SYT13: variants seen among roughly 807,000 people sequenced by gnomAD.
SYT13 encodes synaptotagmin-13.
SYT13 carries 21 observed loss-of-function variants against 38.6 expected under a neutral mutation model. The observed-to-expected ratio is 0.54, with a 90% CI of 0.39 to 0.78. SYT13 has a LOEUF of 0.78. Ranked by LOEUF, SYT13 falls within the 30% of genes least tolerant of loss-of-function variation. SYT13 has a pLI of 0.00. For synonymous variants in SYT13, 241 were observed against 237.6 expected (o/e 1.01, Z -0.13); for missense variants, 495 against 548.7 (o/e 0.90, Z 0.98).
At chr11:45,249,496 C>A (rs1004186765) in intron 4 of SYT13, among the ~76,000 whole-genome samples, 11 of 152,196 alleles carry the variant, frequency 7.2e-5, no homozygotes, top group African/African-American at 2.2e-4. Flanking sequence ...TTGGAACCAA[C>A]CCAAATGTCC....
chr11:45,250,167 C>T (rs1854655843), intron 4 of SYT13, among the ~76,000 whole-genome samples: 1 of 152,220 alleles, frequency 6.6e-6, no homozygotes, highest in African/African-American at 2.4e-5. Flanking sequence ...CAGAAAGTCA[C>T]CTCCTACTTC....
intron 1 of SYT13, among the ~76,000 whole-genome samples, chr11:45,274,993 C>T (rs570036656): frequency 6.6e-6 from 1 of 152,286 alleles, no homozygotes; most frequent in East Asian, 1.9e-4. Context: ...TTGCCACATG[C>T]TTCCTGCTGG....
At position 45,254,263 on chromosome 11, in the gene SYT13, G is replaced by A. The variant is rs768608420; in HGVS notation, c.544+7C>T. ...AGAAGCCCACGAGAGTCAAATAAGA[G>A]CCATACCTTCCAGGCGAGTCACAAA... On this transcript the variant is annotated splice_region_variant and intron_variant, in intron 3 of 5. Transcript: ENST00000020926. 8 of 1,607,324 alleles carry A rather than the reference G, an allele frequency of 5.0e-6. No homozygotes were observed. The highest frequency in any genetic ancestry group is 3.4e-5 in the Admixed American group (2 of 59,222).
At chr11:45,281,819 C>G (rs187992732) in intron 1 of SYT13, among the ~76,000 whole-genome samples, 248 of 152,300 alleles carry the variant, frequency 1.6e-3, no homozygotes, top group African/African-American at 5.7e-3. Flanking sequence ...AAGTGCACAG[C>G]AAGGTAAACA....
intron 1 of SYT13, among the ~76,000 whole-genome samples, chr11:45,283,199 AC>A (rs759990556): frequency 3.9e-5 from 6 of 152,182 alleles, no homozygotes; most frequent in Non-Finnish European, 5.9e-5. Flanking sequence ...CAAAATCACT[AC>A]AAACTTCAAC....
chr11:45,255,836 G>A lies in SYT13; in HGVS notation c.239C>T (p.Pro80Leu), dbSNP rs780430161. 1.9e-6 allele frequency: 3 copies of A among 1,614,192 alleles called. No homozygotes were observed. The highest frequency in any genetic ancestry group is 3.3e-5 in the Admixed American group (2 of 60,024). ...AGCTGGCCTGGGTCCATAGATGTCT[G>A]GGAACTTGAGGAGGGCACGGGGCTG... is the stretch of plus-strand genomic sequence containing the variant. ...PVQPRALLKF[P>L]DIYGPRPAVT... Residue 80 changes from proline (P) to leucine (L), a missense_variant, in exon 2 of 6, where the codon CCA (proline) becomes CTA (leucine). Transcript: ENST00000020926.
chr11:45,278,457 G>A (rs971404165), intron 1 of SYT13, among the ~76,000 whole-genome samples: 1 of 151,958 alleles, frequency 6.6e-6, no homozygotes, highest in Non-Finnish European at 1.5e-5. Flanking sequence ...CTCTCCTGCT[G>A]GTCTCTTCTC....
Position 45,255,900 on chromosome 11 carries a change from A to T in SYT13, c.184-9T>A. On this transcript the variant is annotated splice_polypyrimidine_tract_variant and intron_variant, in intron 1 of 5. Transcript: ENST00000020926. ...GACTTTTTAACATTGAACTGCAAACACAAATTACTCTGATTAGTCCACAAA... is the reference window on the plus strand; with the variant it reads ...GACTTTTTAACATTGAACTGCAAACTCAAATTACTCTGATTAGTCCACAAA... 1 of 1,613,814 alleles carries T rather than the reference A, an allele frequency of 6.2e-7. No individual in the cohort carries two copies. The highest frequency in any genetic ancestry group is 8.5e-7 in the Non-Finnish European group (1 of 1,179,814).
At chr11:45,247,242 G>C (rs1854624579) in intron 4 of SYT13, among the ~76,000 whole-genome samples, 2 of 152,158 alleles carry the variant, frequency 1.3e-5, no homozygotes, top group Non-Finnish European at 2.9e-5. Flanking sequence ...ATGACCGAAA[G>C]ACCCCTCCTA....
chr11:45,274,574 T>A (rs547417656), intron 1 of SYT13, among the ~76,000 whole-genome samples: 1 of 152,244 alleles, frequency 6.6e-6, no homozygotes, highest in South Asian at 2.1e-4. Flanking sequence ...CTCCGCGATA[T>A]GCTCTGAGAA....
At chr11:45,283,467 T>C (rs180989079) in intron 1 of SYT13, among the ~76,000 whole-genome samples, 2 of 152,352 alleles carry the variant, frequency 1.3e-5, no homozygotes, top group Admixed American at 1.3e-4. Context: ...CCTCCTGTCA[T>C]CTGTCACCGC....
At chr11:45,279,519 C>T (rs112552582) in intron 1 of SYT13, among the ~76,000 whole-genome samples, 12,178 of 152,052 alleles carry the variant, frequency 0.08, 1,291 homozygotes, top group African/African-American at 0.24. Flanking sequence ...CTCAGAAGAT[C>T]GAGGCAGCAG....
At chr11:45,256,756 T>C (rs1030539789) in intron 1 of SYT13, among the ~76,000 whole-genome samples, 2 of 152,190 alleles carry the variant, frequency 1.3e-5, no homozygotes, top group Admixed American at 6.5e-5. Context: ...CCACTGCCCC[T>C]ATGGCTCTCG....
rs1352842397 is a variant in SYT13, at chr11:45,246,404, A to G, written c.955T>C (p.Ser319Pro). The change falls in exon 5 of 6, where the codon TCC becomes CCC. Residue 319 changes from serine to proline, a missense_variant. By Grantham distance (74) the Ser-to-Pro change is moderately conservative. Coordinates refer to ENST00000020926, the MANE Select transcript of SYT13 (RefSeq NM_020826.3). ...TCACCCTTCCCCAGGAGCTCCTTGG[A>G]CTGGTTAGAGTGGAGGTTCTTGGCT... is the stretch of plus-strand genomic sequence containing the variant. ...IKAKNLHSNQ[S>P]KELLGKDVSV... 6.2e-7 allele frequency: 1 copy of G among 1,613,854 alleles called. No homozygotes were observed. The highest frequency in any genetic ancestry group is 1.7e-5 in the Admixed American group (1 of 60,000).
Position 45,255,713 on chromosome 11 carries a change from C to T in SYT13, c.362G>A (p.Arg121His), listed in dbSNP as rs772883439. 2.5e-6 allele frequency: 4 copies of T among 1,614,092 alleles called. No homozygotes were observed. Among genetic ancestry groups the T allele is most frequent in the East Asian group, 2.2e-5 (1 of 44,872 alleles). ...PASPQPPNDS[R>H]LKRQVTEELF... is the part of the protein sequence containing the mutation. ...CTCCTCTGTGACCTGCCTCTTGAGG[C>T]GACTGTCATTCGGGGGTTGGGGGCT... Residue 121 changes from arginine (R) to histidine (H), a missense_variant, in exon 2 of 6, where the codon CGC (arginine) becomes CAC (histidine). Transcript: ENST00000020926.
At chr11:45,283,751 A>C (rs1363792762) in intron 1 of SYT13, among the ~76,000 whole-genome samples, 1 of 152,264 alleles carries the variant, frequency 6.6e-6, no homozygotes, top group Non-Finnish European at 1.5e-5. Flanking sequence ...ATGGTTACAA[A>C]GACATGGTGC....
chr11:45,285,830 T>C, intron 1 of SYT13, 195 bp downstream of exon 1: 1 of 588,214 alleles, frequency 1.7e-6, no homozygotes. Context: ...AGGTCTCGTC[T>C]CCCCCATCCC....
intron 1 of SYT13, among the ~76,000 whole-genome samples, chr11:45,261,623 G>A (rs1192072994): frequency 2.7e-5 from 4 of 149,644 alleles, no homozygotes; most frequent in Non-Finnish European, 5.9e-5. Flanking sequence ...AAAACAAAAG[G>A]AAAGAAAAAT....
rs373380612 is a variant in SYT13 at position 45,244,133 on chromosome 11, C to T, written c.1200G>A (p.Ser400=). 385 of 1,613,406 alleles carry T rather than the reference C, an allele frequency of 2.4e-4. No homozygotes were observed. The highest frequency in any genetic ancestry group is 2.9e-4 in the Non-Finnish European group (346 of 1,179,960). The change falls in exon 6 of 6, where the codon TCG becomes TCA. Residue 400 remains serine, a synonymous_variant. Transcript: ENST00000020926. ...CCTCCCAGTGGCTGCGCTCAGAGCC[C>T]GAGGTGTGCAGGCCCAGGCTGCAGT... The part of the protein sequence containing the change: ...LGHCSLGLHT[S]GSERSHWEEM...
Sources: gnomAD v4.1 joint callset for allele counts (sites outside exome capture counted in the v4.1 genomes callset) on GRCh38, gnomAD v4.1.1 for gene constraint, MANE v1.5 for transcripts, NCBI Gene and HGNC (gene_info 2026-07-23, HGNC 2026-07-21) for gene names.